Variants in BNC2 observed in about 807,000 individuals in gnomAD.
BNC2 encodes basonuclin zinc finger protein 2, also known as zinc finger protein basonuclin-2.
In BNC2, 20 loss-of-function variants were observed where a neutral mutation model predicts 76.3. The observed-to-expected ratio is 0.26, with a 90% CI of 0.18 to 0.38. The LOEUF is 0.38. Ranked by LOEUF, BNC2 falls within the 10% of genes least tolerant of loss-of-function variation. BNC2 has a pLI of 1.00. For missense variants in BNC2, 1,382 were observed against 1,399.8 expected (o/e 0.99, Z 0.20); for synonymous variants, 582 against 514.8 (o/e 1.13, Z -1.77).
intron 1 of BNC2, among the ~76,000 whole-genome samples, chr9:16,759,976 G>A (rs1225887192): frequency 1.3e-5 from 2 of 152,142 alleles, no homozygotes; most frequent in African/African-American, 4.8e-5. Flanking sequence ...GCCCACCTCG[G>A]CCTCCCAAAG....
chr9:16,530,256 G>A (rs1276798577), intron 5 of BNC2, among the ~76,000 whole-genome samples: 2 of 151,876 alleles, frequency 1.3e-5, no homozygotes, highest in African/African-American at 2.4e-5. Flanking sequence ...TGCCCTTTAC[G>A]AAATTCCTCT....
intron 5 of BNC2, among the ~76,000 whole-genome samples, chr9:16,441,484 G>T (rs1056790888): frequency 6.6e-6 from 1 of 152,134 alleles, no homozygotes; most frequent in African/African-American, 2.4e-5. Context: ...GAGTTAGAAA[G>T]CATCAAAGGG....
chr9:16,837,216 A>G (rs1818726765), intron 1 of BNC2, among the ~76,000 whole-genome samples: 1 of 152,242 alleles, frequency 6.6e-6, no homozygotes, highest in Non-Finnish European at 1.5e-5. Context: ...TTAGAAAACC[A>G]TAATTCTGGC....
At chr9:16,549,181 C>G (rs1258042854) in intron 5 of BNC2, among the ~76,000 whole-genome samples, 1 of 152,170 alleles carries the variant, frequency 6.6e-6, no homozygotes, top group African/African-American at 2.4e-5. Flanking sequence ...TTAAAGGTAT[C>G]TCAGAAGGCA....
chr9:16,420,990 T>C (rs540890038), intron 6 of BNC2, among the ~76,000 whole-genome samples: 1 of 152,124 alleles, frequency 6.6e-6, no homozygotes, highest in Non-Finnish European at 1.5e-5. Context: ...GAGAAGTAAT[T>C]GTGATAAAAG....
At chr9:16,700,809 A>G (rs1404564951) in intron 3 of BNC2, among the ~76,000 whole-genome samples, 1 of 152,104 alleles carries the variant, frequency 6.6e-6, no homozygotes, top group African/African-American at 2.4e-5. Context: ...AAAATACAAA[A>G]GAAAAAAATT....
chr9:16,528,442 T>C (rs1230349421), intron 5 of BNC2, among the ~76,000 whole-genome samples: 1 of 152,092 alleles, frequency 6.6e-6, no homozygotes, highest in African/African-American at 2.4e-5. Context: ...GAACACTGAG[T>C]TGAGAGGAAC....
At chr9:16,660,994 G>A (rs1822095067) in intron 3 of BNC2, among the ~76,000 whole-genome samples, 1 of 152,150 alleles carries the variant, frequency 6.6e-6, no homozygotes, top group African/African-American at 2.4e-5. Flanking sequence ...TACAGATACT[G>A]AAGGATGACT....
At chr9:16,552,503 C>T (rs372523715) in intron 5 of BNC2, 27 bp downstream of exon 5, 16 of 1,602,206 alleles carry the variant, frequency 1.0e-5, no homozygotes, top group East Asian at 2.2e-5. Context: ...GCCCCGGACA[C>T]GGGCGGCGTT....
chr9:16,487,430 G>A (rs191184839), intron 5 of BNC2, among the ~76,000 whole-genome samples: 26 of 152,240 alleles, frequency 1.7e-4, no homozygotes, highest in African/African-American at 4.8e-4. Context: ...TAAAAGCCAC[G>A]GAGAGCCATA....
intron 5 of BNC2, among the ~76,000 whole-genome samples, chr9:16,467,988 C>T (rs1587063093): frequency 6.6e-6 from 1 of 151,538 alleles, no homozygotes; most frequent in Non-Finnish European, 1.5e-5. Context: ...TGAGTGGATG[C>T]TGTTCTGTTA....
intron 1 of BNC2, among the ~76,000 whole-genome samples, chr9:16,825,049 T>TC (rs1818421232): frequency 6.6e-6 from 1 of 151,348 alleles, no homozygotes; most frequent in African/African-American, 2.4e-5. Context: ...CCCCTCTTTT[T>TC]TTTTTCTTTC....
intron 5 of BNC2, among the ~76,000 whole-genome samples, chr9:16,461,750 G>A (rs1821587416): frequency 1.3e-5 from 2 of 152,166 alleles, no homozygotes; most frequent in South Asian, 4.1e-4. Flanking sequence ...CTTGATGTCA[G>A]CTACGTGGTT....
At chr9:16,529,142 C>A (rs1817901566) in intron 5 of BNC2, among the ~76,000 whole-genome samples, 1 of 152,180 alleles carries the variant, frequency 6.6e-6, no homozygotes, top group Admixed American at 6.5e-5. Context: ...GGCCTACCCA[C>A]AGAGTCCGAG....
At chr9:16,451,628 C>G (rs1821342039) in intron 5 of BNC2, among the ~76,000 whole-genome samples, 1 of 152,170 alleles carries the variant, frequency 6.6e-6, no homozygotes. Flanking sequence ...CTCTGCACCC[C>G]TCTGCCTTTC....
intron 1 of BNC2, among the ~76,000 whole-genome samples, chr9:16,772,898 T>C (rs1202213572): frequency 6.6e-6 from 1 of 152,224 alleles, no homozygotes; most frequent in Non-Finnish European, 1.5e-5. Context: ...AATCTTGTAC[T>C]AGCAGCCTAA....
intron 4 of BNC2, among the ~76,000 whole-genome samples, chr9:16,554,078 C>T (rs114425667): frequency 0.028 from 4,275 of 152,234 alleles, 90 homozygotes; most frequent in African/African-American, 0.051. Context: ...ATAACTACAC[C>T]TAAGTTATGA....
At chr9:16,691,538 C>T (rs1823166629) in intron 3 of BNC2, among the ~76,000 whole-genome samples, 2 of 119,098 alleles carry the variant, frequency 1.7e-5, no homozygotes, top group South Asian at 5.5e-4. Context: ...GAAACAGAGT[C>T]TCATTCTGTC....
intron 5 of BNC2, among the ~76,000 whole-genome samples, chr9:16,437,763 C>T (rs1337156728): frequency 6.6e-6 from 1 of 152,136 alleles, no homozygotes; most frequent in African/African-American, 2.4e-5. Flanking sequence ...TCAAAGCAAA[C>T]AAAATGTAGA....
Sources: gnomAD v4.1 joint callset for allele counts (sites outside exome capture counted in the v4.1 genomes callset) on GRCh38, gnomAD v4.1.1 for gene constraint, MANE v1.5 for transcripts, NCBI Gene and HGNC (gene_info 2026-07-23, HGNC 2026-07-21) for gene names.